The following TENM3 variants were observed in gnomAD, a reference collection of about 807,000 sequenced individuals.
TENM3 encodes teneurin transmembrane protein 3.
In TENM3, 63 loss-of-function variants were observed where a neutral mutation model predicts 255.1. The observed-to-expected ratio is 0.25, with a 90% confidence interval of 0.20 to 0.30. TENM3 has a LOEUF of 0.30. Ranked by LOEUF, TENM3 falls within the 10% of genes least tolerant of loss-of-function variation. TENM3 has a pLI of 1.00. For synonymous variants in TENM3, 1,306 were observed against 1,322.3 expected (o/e 0.99, Z 0.27); for missense variants, 2,929 against 3,461.1 (o/e 0.85, Z 3.86).
At chr4:182,594,629 CT>C (rs1747004166) in intron 3 of TENM3, among the ~76,000 whole-genome samples, 2 of 151,364 alleles carry the variant, frequency 1.3e-5, no homozygotes, top group African/African-American at 4.9e-5. Context: ...TTTTCTGTTA[CT>C]TTGTTTTTCC....
chr4:182,720,419 T>G (rs1203926333), intron 13 of TENM3, among the ~76,000 whole-genome samples: 2 of 152,094 alleles, frequency 1.3e-5, no homozygotes, highest in African/African-American at 4.8e-5. Flanking sequence ...ATCCAGATAT[T>G]ATCAGACATA....
the TENM3 span, among the ~76,000 whole-genome samples, chr4:181,541,175 A>G: frequency 1.3e-5 from 2 of 151,912 alleles, no homozygotes; most frequent in African/African-American, 4.8e-5. Flanking sequence ...GGGGCTGGAG[A>G]CCAGCCTGGG....
the TENM3 span, among the ~76,000 whole-genome samples, chr4:182,100,565 A>G: frequency 1.5e-5 from 2 of 129,190 alleles, no homozygotes; most frequent in Non-Finnish European, 3.2e-5. Flanking sequence ...ATATATACAC[A>G]CATATATATA....
At chr4:181,608,540 A>T in the TENM3 span, among the ~76,000 whole-genome samples, 1 of 151,654 alleles carries the variant, frequency 6.6e-6, no homozygotes, top group Admixed American at 6.6e-5. Context: ...TTGAGAACTA[A>T]TGCCTTGGAT....
At chr4:182,488,570 G>T (rs1675870690) in intron 3 of TENM3, among the ~76,000 whole-genome samples, 1 of 152,090 alleles carries the variant, frequency 6.6e-6, no homozygotes, top group Non-Finnish European at 1.5e-5. Context: ...TGTATAGAAA[G>T]CCATATAAGG....
At chr4:181,802,564 T>C in the TENM3 span, among the ~76,000 whole-genome samples, 1 of 152,362 alleles carries the variant, frequency 6.6e-6, no homozygotes, top group East Asian at 1.9e-4. Context: ...AAATTTTCTG[T>C]GATCAAAAAC....
the TENM3 span, among the ~76,000 whole-genome samples, chr4:181,648,447 TA>T: frequency 6.6e-6 from 1 of 152,086 alleles, no homozygotes; most frequent in Non-Finnish European, 1.5e-5. Context: ...AAAAAAGTGG[TA>T]TTTAGCTATC....
At chr4:182,073,569 G>A in the TENM3 span, among the ~76,000 whole-genome samples, 2 of 152,192 alleles carry the variant, frequency 1.3e-5, no homozygotes, top group Non-Finnish European at 2.9e-5. Flanking sequence ...GGCAGCCCAA[G>A]CAAACGAATA....
intron 1 of TENM3, among the ~76,000 whole-genome samples, chr4:182,269,749 G>A (rs1386711142): frequency 6.6e-6 from 1 of 152,120 alleles, no homozygotes; most frequent in African/African-American, 2.4e-5. Context: ...ATGAAAAAAA[G>A]CCAAACTCTG....
chr4:182,448,243 A>C (rs1358605447), intron 3 of TENM3, among the ~76,000 whole-genome samples: 3 of 152,192 alleles, frequency 2.0e-5, no homozygotes, highest in Non-Finnish European at 4.4e-5. Flanking sequence ...GGGGCCGAGA[A>C]AGTGGCGGAG....
At chr4:181,991,525 C>A in the TENM3 span, among the ~76,000 whole-genome samples, 1 of 152,082 alleles carries the variant, frequency 6.6e-6, no homozygotes, top group Admixed American at 6.6e-5. Context: ...TGAACCCAAA[C>A]GCAGGTTGTG....
chr4:181,707,054 G>A, the TENM3 span, among the ~76,000 whole-genome samples: 2 of 152,266 alleles, frequency 1.3e-5, no homozygotes, highest in Admixed American at 6.5e-5. Context: ...AGGCCATACT[G>A]TTATATTCTC....
chr4:181,609,011 T>C, the TENM3 span, among the ~76,000 whole-genome samples: 1 of 152,136 alleles, frequency 6.6e-6, no homozygotes, highest in South Asian at 2.1e-4. Flanking sequence ...CGGTTTTGCT[T>C]AGTATGAGGG....
At chr4:181,555,333 T>C in the TENM3 span, among the ~76,000 whole-genome samples, 1 of 152,198 alleles carries the variant, frequency 6.6e-6, no homozygotes, top group Non-Finnish European at 1.5e-5. Context: ...TTCGAGACTA[T>C]ATTATCTTAG....
At chr4:182,721,134 G>A (rs772637220) in intron 13 of TENM3, among the ~76,000 whole-genome samples, 4 of 152,060 alleles carry the variant, frequency 2.6e-5, no homozygotes, top group Admixed American at 1.3e-4. Flanking sequence ...GAATGTGGAC[G>A]TGGGCACTGC....
chr4:181,478,485 TGAAA>T, the TENM3 span, among the ~76,000 whole-genome samples: 2 of 152,182 alleles, frequency 1.3e-5, no homozygotes, highest in South Asian at 2.1e-4. Flanking sequence ...GGGATCACCA[TGAAA>T]GCCCTGAACG....
chr4:182,035,559 G>A, the TENM3 span, among the ~76,000 whole-genome samples: 2 of 152,128 alleles, frequency 1.3e-5, no homozygotes, highest in African/African-American at 4.8e-5. Flanking sequence ...TGTTTGACAT[G>A]CATATGACAT....
At chr4:182,574,401 T>G (rs1744715906) in intron 3 of TENM3, among the ~76,000 whole-genome samples, 2 of 152,138 alleles carry the variant, frequency 1.3e-5, no homozygotes, top group Non-Finnish European at 2.9e-5. Flanking sequence ...ATGCATTACT[T>G]CATGCATTTA....
intron 3 of TENM3, among the ~76,000 whole-genome samples, chr4:182,563,466 G>A (rs1315660955): frequency 1.3e-5 from 2 of 151,650 alleles, no homozygotes; most frequent in Non-Finnish European, 2.9e-5. Flanking sequence ...GAGAGGGGAA[G>A]GGGAAACTTT....
Sources: allele counts gnomAD v4.1 joint callset (sites outside exome capture counted in the v4.1 genomes callset), GRCh38; gene constraint gnomAD v4.1.1; transcripts MANE v1.5; gene names NCBI Gene and HGNC (gene_info 2026-07-23, HGNC 2026-07-21).